The following ZFPM2 variants were observed in gnomAD, a reference collection of about 807,000 sequenced individuals.
ZFPM2 encodes the protein zinc finger protein, FOG family member 2, also known as zinc finger protein ZFPM2.
In ZFPM2, 20 loss-of-function variants were observed where a neutral mutation model predicts 98.6. The ratio of observed to expected loss-of-function variants is 0.20; its 90% CI spans 0.14 to 0.29. ZFPM2 has a LOEUF of 0.29. ZFPM2 is among the 10% of genes least tolerant of loss of function. The pLI, the probability that ZFPM2 is intolerant of heterozygous loss-of-function variation, is 1.00. For synonymous variants in ZFPM2, 518 were observed against 502.7 expected (o/e 1.03, Z -0.41); for missense variants, 1,310 against 1,388.6 (o/e 0.94, Z 0.90).
chr8:105,420,783 T>C (rs545346186), intron 2 of ZFPM2, among the ~76,000 whole-genome samples: 11 of 152,162 alleles, frequency 7.2e-5, no homozygotes, highest in African/African-American at 2.7e-4. Flanking sequence ...TACATCCTTT[T>C]GTGCATTGTA....
intron 5 of ZFPM2, among the ~76,000 whole-genome samples, chr8:105,693,826 C>T (rs946078988): frequency 6.6e-6 from 1 of 151,902 alleles, no homozygotes; most frequent in African/African-American, 2.4e-5. Context: ...TCTCTGTAGT[C>T]ATACAATGGG....
At chr8:105,695,891 A>G (rs1344347163) in intron 5 of ZFPM2, among the ~76,000 whole-genome samples, 3 of 152,118 alleles carry the variant, frequency 2.0e-5, no homozygotes, top group Admixed American at 2.0e-4. Context: ...TGCTTTTGTA[A>G]AGTAGATGGA....
At chr8:105,429,315 G>A (rs1346100694) in intron 2 of ZFPM2, among the ~76,000 whole-genome samples, 5 of 151,900 alleles carry the variant, frequency 3.3e-5, no homozygotes, top group East Asian at 1.9e-4. Flanking sequence ...ATATGTGGCC[G>A]TATGTGATCA....
chr8:105,501,505 T>A (rs1471881188), intron 3 of ZFPM2, among the ~76,000 whole-genome samples: 7 of 150,990 alleles, frequency 4.6e-5, no homozygotes, highest in Non-Finnish European at 1.0e-4. Flanking sequence ...TTCTTTTTTT[T>A]TTTTCTTTTC....
chr8:105,667,019 G>A (rs1233489391), intron 5 of ZFPM2, among the ~76,000 whole-genome samples: 1 of 152,102 alleles, frequency 6.6e-6, no homozygotes, highest in African/African-American at 2.4e-5. Context: ...GTTAAAAGTG[G>A]AATTAGCCAC....
At chr8:105,392,581 A>G (rs1811130812) in intron 1 of ZFPM2, among the ~76,000 whole-genome samples, 1 of 152,206 alleles carries the variant, frequency 6.6e-6, no homozygotes, top group Non-Finnish European at 1.5e-5. Flanking sequence ...TTTTCTGAGT[A>G]TTGTGGGCCG....
intron 3 of ZFPM2, among the ~76,000 whole-genome samples, chr8:105,484,192 T>C (rs1432332942): frequency 6.6e-6 from 1 of 152,180 alleles, no homozygotes; most frequent in Admixed American, 6.5e-5. Context: ...AGACATTATT[T>C]CTTCAAAATA....
chr8:105,558,379 G>T (rs917187313), intron 3 of ZFPM2, among the ~76,000 whole-genome samples: 11 of 152,196 alleles, frequency 7.2e-5, no homozygotes, highest in Non-Finnish European at 1.6e-4. Context: ...CAAGAAAGGA[G>T]ACTGGGGTAT....
At chr8:105,627,618 C>T (rs1450728351) in intron 4 of ZFPM2, among the ~76,000 whole-genome samples, 1 of 152,154 alleles carries the variant, frequency 6.6e-6, no homozygotes, top group Non-Finnish European at 1.5e-5. Flanking sequence ...TTTGCTGAGG[C>T]TGTATGCAAC....
At chr8:105,798,064 A>C (rs907727745) in intron 6 of ZFPM2, 2 of 152,222 alleles carry the variant, frequency 1.3e-5, no homozygotes, top group African/African-American at 4.8e-5. Context: ...CAGGGCTAAC[A>C]TTAGTTCAGC....
At chr8:105,624,594 G>C (rs1816615762) in intron 4 of ZFPM2, among the ~76,000 whole-genome samples, 1 of 152,100 alleles carries the variant, frequency 6.6e-6, no homozygotes, top group Non-Finnish European at 1.5e-5. Context: ...TTTAGAGTGA[G>C]TAATCTTGAA....
At chr8:105,410,199 G>A (rs1285132515) in intron 1 of ZFPM2, among the ~76,000 whole-genome samples, 1 of 151,690 alleles carries the variant, frequency 6.6e-6, no homozygotes, top group Admixed American at 6.6e-5. Context: ...ATTTTTTGTT[G>A]ATTTTCTTCT....
At chr8:105,716,847 T>C (rs1198668523) in intron 5 of ZFPM2, among the ~76,000 whole-genome samples, 1 of 151,948 alleles carries the variant, frequency 6.6e-6, no homozygotes. Context: ...AGGCAGAAAA[T>C]TCATCTCCAC....
chr8:105,626,532 G>T (rs968560212), intron 4 of ZFPM2, among the ~76,000 whole-genome samples: 13 of 152,202 alleles, frequency 8.5e-5, no homozygotes, highest in Admixed American at 6.5e-4. Context: ...TCATTTAAAT[G>T]TGGGGAATAA....
chr8:105,334,986 G>A (rs1159218069), intron 1 of ZFPM2, among the ~76,000 whole-genome samples: 3 of 151,602 alleles, frequency 2.0e-5, no homozygotes, highest in East Asian at 3.9e-4. Context: ...GGGTTTGAAA[G>A]GATGCCCCTG....
chr8:105,490,685 G>A (rs1170201278), intron 3 of ZFPM2, among the ~76,000 whole-genome samples: 1 of 151,798 alleles, frequency 6.6e-6, no homozygotes, highest in Non-Finnish European at 1.5e-5. Flanking sequence ...TTGAAGGCGG[G>A]AATACTTTCT....
At chr8:105,383,077 T>G (rs1251332754) in intron 1 of ZFPM2, among the ~76,000 whole-genome samples, 1 of 152,096 alleles carries the variant, frequency 6.6e-6, no homozygotes, top group Non-Finnish European at 1.5e-5. Context: ...GCTAGAATAG[T>G]CAGGAAAAAT....
chr8:105,573,243 G>A (rs942590078), intron 4 of ZFPM2, among the ~76,000 whole-genome samples: 4 of 152,182 alleles, frequency 2.6e-5, no homozygotes, highest in Non-Finnish European at 4.4e-5. Context: ...CAAGACAAAA[G>A]CCACAGTGCT....
intron 4 of ZFPM2, among the ~76,000 whole-genome samples, chr8:105,609,747 A>T (rs1391850024): frequency 1.3e-5 from 2 of 152,208 alleles, no homozygotes; most frequent in Non-Finnish European, 2.9e-5. Context: ...TGCTAATGTC[A>T]TTCAAAAATA....
Sources: allele counts gnomAD v4.1 joint callset (sites outside exome capture counted in the v4.1 genomes callset), GRCh38; gene constraint gnomAD v4.1.1; transcripts MANE v1.5; gene names NCBI Gene and HGNC (gene_info 2026-07-23, HGNC 2026-07-21).